MECR: variants seen among roughly 807,000 people sequenced by gnomAD.
MECR encodes enoyl-[acyl-carrier-protein] reductase, mitochondrial.
Under a neutral mutation model 49.1 loss-of-function variants are expected in MECR, and 37 were observed. That is an observed-to-expected ratio of 0.75 (90% CI 0.58 to 0.99). The LOEUF (loss-of-function observed/expected upper bound fraction) is 0.99, where lower values mean the gene tolerates loss of function less well. Among genes scored for constraint, MECR ranks in the 50% least tolerant of loss-of-function variants. The pLI, the probability that MECR is intolerant of heterozygous loss-of-function variation, is 0.00. For missense variants in MECR, 470 were observed against 479.6 expected, an observed-to-expected ratio of 0.98 and a Z score of 0.19; for synonymous variants, 198 against 191.1, an observed-to-expected ratio of 1.04 and a Z score of -0.30.
At chr1:29,173,910 T>A in the MECR span, among the ~76,000 whole-genome samples, 1 of 151,736 alleles carries the variant, frequency 6.6e-6, no homozygotes, top group South Asian at 2.1e-4. Context: ...GAACTCTTGG[T>A]GGGTGCGGTG....
At chr1:29,208,856 G>A (rs7415806) in intron 3 of MECR, among the ~76,000 whole-genome samples, 1 of 152,208 alleles carries the variant, frequency 6.6e-6, no homozygotes, top group Admixed American at 6.5e-5. Context: ...AACATCAAGA[G>A]AATTACTTTA....
chr1:29,187,942 CAGG>C (rs1224380180), downstream of MECR, among the ~76,000 whole-genome samples: 1 of 137,212 alleles, frequency 7.3e-6, no homozygotes, highest in Non-Finnish European at 1.5e-5. Flanking sequence ...GAGGTTGAGG[CAGG>C]AGAATGGCGT....
the MECR span, among the ~76,000 whole-genome samples, chr1:29,173,946 T>C: frequency 6.6e-6 from 1 of 151,648 alleles, no homozygotes; most frequent in African/African-American, 2.4e-5. Flanking sequence ...CCCAGCACTT[T>C]GGGAGGATGA....
chr1:29,177,235 C>G, the MECR span, among the ~76,000 whole-genome samples: 5 of 151,472 alleles, frequency 3.3e-5, no homozygotes, highest in Non-Finnish European at 1.5e-5. Context: ...GCTTCCTTGA[C>G]GTGCATCTAG....
chr1:29,217,587 C>T (rs761326606), intron 1 of MECR, among the ~76,000 whole-genome samples: 2 of 152,026 alleles, frequency 1.3e-5, no homozygotes, highest in Admixed American at 6.6e-5. Context: ...TTCCAAAACT[C>T]GCTTAGTTAT....
chr1:29,194,254 A>C (rs1574224939), intron 9 of MECR, 75 bp from the exon 10 acceptor site: 1 of 1,472,788 alleles, frequency 6.8e-7, no homozygotes, highest in East Asian at 2.3e-5. Flanking sequence ...GGGCTGCCCT[A>C]TGGGCAGGAG....
chr1:29,210,602 T>C (rs1574387951), intron 3 of MECR, among the ~76,000 whole-genome samples: 1 of 152,158 alleles, frequency 6.6e-6, no homozygotes, highest in East Asian at 1.9e-4. Flanking sequence ...GATATGGATT[T>C]CTGGGGCTTA....
At chr1:29,211,858 C>A (rs773800061) in intron 3 of MECR, among the ~76,000 whole-genome samples, 8 of 152,194 alleles carry the variant, frequency 5.3e-5, no homozygotes, top group Non-Finnish European at 1.2e-4. Flanking sequence ...TGGGAAAAGG[C>A]TGGCTATGGG....
intron 8 of MECR, 55 bp from the exon 9 acceptor site, chr1:29,196,068 C>G (rs1354289184): frequency 6.2e-7 from 1 of 1,601,550 alleles, no homozygotes. Flanking sequence ...TCAGGTACCG[C>G]TTAAGGGTAC....
chr1:29,202,261 G>C (rs1675505941), intron 5 of MECR, among the ~76,000 whole-genome samples: 1 of 152,182 alleles, frequency 6.6e-6, no homozygotes, highest in Non-Finnish European at 1.5e-5. Flanking sequence ...GAGACTGGGT[G>C]GTTTTCACAG....
chr1:29,182,695 C>G, the MECR span, among the ~76,000 whole-genome samples: 2 of 152,292 alleles, frequency 1.3e-5, no homozygotes, highest in East Asian at 3.9e-4. Flanking sequence ...AGGCGCCCGC[C>G]CCCACGCCCG....
At chr1:29,203,097 C>A in intron 5 of MECR, 34 bp downstream of exon 5, 2 of 1,516,932 alleles carry the variant, frequency 1.3e-6, no homozygotes, top group Non-Finnish European at 1.8e-6. Flanking sequence ...AGACCCAAGA[C>A]ATGGTCTGGG....
intron 1 of MECR, chr1:29,220,937 G>C: frequency 1.0e-6 from 1 of 985,078 alleles, no homozygotes; most frequent in Non-Finnish European, 1.2e-6. Context: ...AAGAATCACT[G>C]AGTCACTGAA....
chr1:29,212,270 T>C lies in MECR; in HGVS notation c.406+3735A>G, dbSNP rs1678201833. Among the ~76,000 whole-genome samples, 3 of 152,048 alleles carry C rather than the reference T, an allele frequency of 2.0e-5. No homozygotes were observed. The South Asian group carries it at 6.2e-4, about 32-fold the overall frequency. ...CCCATCTCTACTAAAAGTACAAAAA[T>C]TAGCCAGGTGTAGTGGTGGGCGCCT... On this transcript the variant is annotated intron_variant, in intron 3 of 9. Coordinates refer to ENST00000263702, the MANE Select transcript of MECR (RefSeq NM_016011.5).
the MECR span, chr1:29,170,303 G>C: frequency 1.3e-5 from 2 of 152,100 alleles, no homozygotes; most frequent in African/African-American, 4.8e-5. Context: ...AAAACTCTTG[G>C]GATTTAATAT....
chr1:29,214,757 A>T (rs935555982), intron 3 of MECR, among the ~76,000 whole-genome samples: 1 of 152,170 alleles, frequency 6.6e-6, no homozygotes, highest in African/African-American at 2.4e-5. Flanking sequence ...CAGGAGAAAG[A>T]ATCCAGTGGG....
chr1:29,205,781 C>A (rs547718640), intron 4 of MECR, among the ~76,000 whole-genome samples: 1 of 151,982 alleles, frequency 6.6e-6, no homozygotes, highest in South Asian at 2.1e-4. Context: ...AGTGAGCCCA[C>A]GCCACTGCAC....
At chr1:29,227,994 T>C (rs12138928) in intron 1 of MECR, among the ~76,000 whole-genome samples, 29,423 of 151,944 alleles carry the variant, frequency 0.19, 3,483 homozygotes, top group Non-Finnish European at 0.28. Context: ...CTGGAGAGCT[T>C]TGAAAAAAAC....
the MECR span, among the ~76,000 whole-genome samples, chr1:29,176,622 G>C: frequency 6.6e-6 from 1 of 152,130 alleles, no homozygotes. Flanking sequence ...TCCCTGTGTA[G>C]GTGCTGGGGT....
Sources: gnomAD v4.1 joint callset for allele counts (sites outside exome capture counted in the v4.1 genomes callset) on GRCh38, gnomAD v4.1.1 for gene constraint, MANE v1.5 for transcripts, NCBI Gene and HGNC (gene_info 2026-07-23, HGNC 2026-07-21) for gene names.